DNAH6: variants seen among roughly 807,000 people sequenced by gnomAD.
DNAH6 encodes the protein axonemal beta dynein heavy chain 6.
DNAH6 carries 340 observed loss-of-function variants against 491.4 expected under a neutral mutation model. The observed-to-expected ratio is 0.69, with a 90% CI of 0.63 to 0.76. DNAH6 has a LOEUF of 0.76. DNAH6 is among the 30% of genes least tolerant of loss of function. The pLI, the probability that DNAH6 is intolerant of heterozygous loss-of-function variation, is 0.00. For missense variants in DNAH6, 4,443 were observed against 4,972.2 expected (o/e 0.89, Z 3.20); for synonymous variants, 1,603 against 1,686.1 (o/e 0.95, Z 1.21).
At chr2:84,698,804 G>A (rs898968368) in intron 47 of DNAH6, among the ~76,000 whole-genome samples, 1 of 152,100 alleles carries the variant, frequency 6.6e-6, no homozygotes, top group Admixed American at 6.6e-5. Flanking sequence ...CATCAGTGGT[G>A]GATTAGATAT....
intron 63 of DNAH6, among the ~76,000 whole-genome samples, chr2:84,758,561 A>C (rs1674270505): frequency 6.6e-6 from 1 of 152,196 alleles, no homozygotes; most frequent in African/African-American, 2.4e-5. Context: ...GTACATCAAA[A>C]AGATAATATA....
chr2:84,491,237 A>C, the DNAH6 span, among the ~76,000 whole-genome samples: 1 of 152,208 alleles, frequency 6.6e-6, no homozygotes, highest in Non-Finnish European at 1.5e-5. Flanking sequence ...TCCACAAGCA[A>C]CGTATGTGAG....
intron 21 of DNAH6, among the ~76,000 whole-genome samples, chr2:84,608,212 T>C (rs1389770631): frequency 1.4e-5 from 1 of 73,934 alleles, no homozygotes; most frequent in East Asian, 5.0e-4. Context: ...TCTGCAGTTA[T>C]TTCCTCCACT....
At chr2:84,648,468 C>T (rs1277070909) in intron 33 of DNAH6, among the ~76,000 whole-genome samples, 3 of 152,178 alleles carry the variant, frequency 2.0e-5, no homozygotes, top group Non-Finnish European at 4.4e-5. Flanking sequence ...ATTCATCATT[C>T]TAGATGTCAT....
At chr2:84,492,235 T>C in the DNAH6 span, among the ~76,000 whole-genome samples, 1 of 152,176 alleles carries the variant, frequency 6.6e-6, no homozygotes, top group Non-Finnish European at 1.5e-5. Flanking sequence ...TGACACTGTT[T>C]TTAGTAGGCT....
At chr2:84,555,719 C>T (rs1283874689) in intron 10 of DNAH6, among the ~76,000 whole-genome samples, 3 of 152,120 alleles carry the variant, frequency 2.0e-5, no homozygotes, top group African/African-American at 7.2e-5. Context: ...CGAAAACTTG[C>T]TCCTCCCTCC....
the DNAH6 span, among the ~76,000 whole-genome samples, chr2:84,486,519 A>G: frequency 3.9e-5 from 6 of 152,202 alleles, no homozygotes; most frequent in African/African-American, 1.2e-4. Context: ...AGGGAAAACA[A>G]ATGTACACTG....
intron 42 of DNAH6, among the ~76,000 whole-genome samples, chr2:84,683,054 T>C (rs1326062171): frequency 8.9e-6 from 1 of 112,740 alleles, no homozygotes; most frequent in Non-Finnish European, 1.9e-5. Context: ...TGCAATGCTC[T>C]GACACCAGAT....
At chr2:84,714,554 G>A (rs570546496) in intron 57 of DNAH6, among the ~76,000 whole-genome samples, 7 of 152,100 alleles carry the variant, frequency 4.6e-5, no homozygotes, top group South Asian at 2.1e-4. Context: ...GCAACAGGGC[G>A]ACTACAGTCA....
intron 18 of DNAH6, among the ~76,000 whole-genome samples, chr2:84,599,757 A>AT (rs146769461): frequency 0.024 from 3,624 of 152,178 alleles, 63 homozygotes; most frequent in Non-Finnish European, 0.036. Flanking sequence ...CACTTTCTTA[A>AT]TTACGATAGC....
At chr2:84,639,752 G>A (rs141273619) in intron 31 of DNAH6, among the ~76,000 whole-genome samples, 7 of 152,234 alleles carry the variant, frequency 4.6e-5, no homozygotes, top group Middle Eastern at 3.4e-3. Flanking sequence ...CCTACTGTGT[G>A]CAGAGCACTG....
At chr2:84,745,337 A>T in intron 63 of DNAH6, 88 bp downstream of exon 63, 1 of 1,085,854 alleles carries the variant, frequency 9.2e-7, no homozygotes, top group Non-Finnish European at 1.2e-6. Context: ...TTTATTTGAG[A>T]GTAACAATGG....
In DNAH6 at chr2:84,606,999, CA is replaced by C; in HGVS notation, c.3200del (p.Asn1067MetfsTer14). The C allele has an allele frequency of 6.4e-7, 1 of 1,551,148 alleles. No individual in the cohort carries two copies. The highest frequency in any genetic ancestry group is 8.7e-7 in the Non-Finnish European group (1 of 1,146,618). On this transcript the variant is annotated frameshift_variant, in exon 21 of 77. Transcript: ENST00000389394. LOFTEE classifies it high-confidence loss of function. Reference sequence around the variant, plus strand: ...AGGTCCTTCTTGATGATAGCACCATCAATGTTGCAACTCTTGCCTCATCACG... The same window carrying C: ...AGGTCCTTCTTGATGATAGCACCATCATGTTGCAACTCTTGCCTCATCACG... The part of the protein sequence containing the change: ...IQVLLDDSTI[N>X]VATLASSRYL...
At chr2:84,711,005 A>G (rs1005112932) in intron 56 of DNAH6, among the ~76,000 whole-genome samples, 1 of 152,204 alleles carries the variant, frequency 6.6e-6, no homozygotes, top group Non-Finnish European at 1.5e-5. Flanking sequence ...GGCAAAAAAT[A>G]TAGATGTGGT....
Position 84,641,998 on chromosome 2 carries a change from A to G in DNAH6, c.5022A>G (p.Arg1674=), listed in dbSNP as rs374289611. The G allele has an allele frequency of 1.3e-6, 2 of 1,550,922 alleles. No homozygotes were observed. The highest frequency in any genetic ancestry group is 2.7e-5 in the African/African-American group (2 of 72,990). The change falls in exon 33 of 77, where the codon AGA becomes AGG. Residue 1674 remains arginine, a synonymous_variant. Coordinates refer to ENST00000389394, the MANE Select transcript of DNAH6 (RefSeq NM_001370.2). ...PDLNEDVVLI[R]ALQDSNLPKF... is the part of the protein sequence containing the mutation. ...TAAATGAAGATGTGGTGTTGATAAGAGCTTTACAAGACTCCAATTTGCCAA... is the reference window on the plus strand; with the variant it reads ...TAAATGAAGATGTGGTGTTGATAAGGGCTTTACAAGACTCCAATTTGCCAA...
chr2:84,688,487 G>T lies in DNAH6; in HGVS notation c.7186G>T (p.Glu2396Ter). 6.5e-7 allele frequency: 1 copy of T among 1,540,172 alleles called. No individual in the cohort carries two copies. Among genetic ancestry groups the T allele is most frequent in the South Asian group, 1.2e-5 (1 of 80,738 alleles). ...DRIYDDMPDIEKTANVLQDYL... is the reference protein window; with the variant it reads ...DRIYDDMPDI ...GATTTATGATGACATGCCTGATATA[G>T]AGAAAACTGCAAATGTTCTACAGGA... The change falls in exon 45 of 77, where the codon GAG becomes TAG. Residue 2396 changes from glutamate to a stop codon, truncating the protein, a stop_gained. Transcript: ENST00000389394. LOFTEE classifies it high-confidence loss of function.
At chr2:84,740,051 G>A (rs1672365536) in intron 62 of DNAH6, among the ~76,000 whole-genome samples, 2 of 151,440 alleles carry the variant, frequency 1.3e-5, no homozygotes, top group African/African-American at 4.9e-5. Context: ...CTTGGTTGGG[G>A]CTTCTTGTTT....
Position 84,523,461 on chromosome 2 carries a change from C to T in DNAH6, c.226-2104C>T, listed in dbSNP as rs1180587569. On this transcript the variant is annotated intron_variant, in intron 2 of 76. Coordinates refer to ENST00000389394, the MANE Select transcript of DNAH6 (RefSeq NM_001370.2). Reference sequence around the variant, plus strand: ...TTTTATTTCTCAATATCCTTCAGTTCTGCTCTGATTTTGGTTCTTTCTTGT... The same window carrying T: ...TTTTATTTCTCAATATCCTTCAGTTTTGCTCTGATTTTGGTTCTTTCTTGT... Among the ~76,000 whole-genome samples the T allele has an allele frequency of 2.0e-5, 3 of 151,790 alleles. No homozygotes were observed. In the East Asian group the frequency reaches 5.8e-4, roughly 29 times the overall value.
chr2:84,642,606 C>CT (rs544193845), intron 33 of DNAH6, among the ~76,000 whole-genome samples: 55 of 151,958 alleles, frequency 3.6e-4, no homozygotes, highest in African/African-American at 1.1e-3. Flanking sequence ...ATTTCTTTTT[C>CT]TTTTTTTTCC....
Sources: gnomAD v4.1 joint callset for allele counts (sites outside exome capture counted in the v4.1 genomes callset) on GRCh38, gnomAD v4.1.1 for gene constraint, MANE v1.5 for transcripts, NCBI Gene and HGNC (gene_info 2026-07-23, HGNC 2026-07-21) for gene names.